GRIK1: variants seen among roughly 807,000 people sequenced by gnomAD.
GRIK1 encodes the protein glutamate ionotropic receptor kainate type subunit 1.
GRIK1 carries 69 observed loss-of-function variants against 105.7 expected under a neutral mutation model. The observed-to-expected ratio is 0.65, with a 90% CI of 0.54 to 0.80. The LOEUF (loss-of-function observed/expected upper bound fraction) is 0.80, where lower values mean the gene tolerates loss of function less well. Among genes scored for constraint, GRIK1 ranks in the 30% least tolerant of loss-of-function variants. The pLI is 0.00. For missense variants in GRIK1, 1,109 were observed against 1,167.3 expected, an observed-to-expected ratio of 0.95 and a Z score of 0.73; for synonymous variants, 438 against 431.3, an observed-to-expected ratio of 1.02 and a Z score of -0.19.
intron 14 of GRIK1, among the ~76,000 whole-genome samples, chr21:29,562,930 A>G (rs1168998137): frequency 1.3e-5 from 2 of 152,118 alleles, no homozygotes; most frequent in African/African-American, 4.8e-5. Context: ...TTACTTAAAT[A>G]TGAATTTTCC....
chr21:29,788,844 T>C (rs889615603), intron 1 of GRIK1, among the ~76,000 whole-genome samples: 1 of 152,156 alleles, frequency 6.6e-6, no homozygotes, highest in African/African-American at 2.4e-5. Context: ...CACACTCTTA[T>C]GAGAATCTAA....
chr21:29,905,201 T>C (rs2070566331), intron 1 of GRIK1, among the ~76,000 whole-genome samples: 1 of 152,108 alleles, frequency 6.6e-6, no homozygotes, highest in Non-Finnish European at 1.5e-5. Context: ...CCTTCCTTAC[T>C]TGATCATGAC....
At chr21:29,768,468 C>A (rs2065730542) in intron 1 of GRIK1, among the ~76,000 whole-genome samples, 1 of 152,160 alleles carries the variant, frequency 6.6e-6, no homozygotes, top group Non-Finnish European at 1.5e-5. Flanking sequence ...ACTATAAATA[C>A]CTGGTGCTTG....
At chr21:29,833,740 C>G (rs2067704717) in intron 1 of GRIK1, among the ~76,000 whole-genome samples, 1 of 152,086 alleles carries the variant, frequency 6.6e-6, no homozygotes. Context: ...CAAATCCAAA[C>G]CATATCACCC....
At chr21:29,891,208 A>G (rs941381060) in intron 1 of GRIK1, among the ~76,000 whole-genome samples, 4 of 152,186 alleles carry the variant, frequency 2.6e-5, no homozygotes, top group Non-Finnish European at 5.9e-5. Flanking sequence ...CTTGTGTGGA[A>G]AAGCCAAAGA....
chr21:29,891,978 A>T (rs1414571785), intron 1 of GRIK1, among the ~76,000 whole-genome samples: 1 of 152,234 alleles, frequency 6.6e-6, no homozygotes, highest in East Asian at 1.9e-4. Context: ...AGCATTAATT[A>T]GTAAATGAAT....
intron 1 of GRIK1, among the ~76,000 whole-genome samples, chr21:29,773,036 G>C (rs1219803509): frequency 6.6e-6 from 1 of 152,196 alleles, no homozygotes; most frequent in Non-Finnish European, 1.5e-5. Flanking sequence ...TGTTGAGGGA[G>C]AGGAGGCTGA....
At chr21:29,554,952 T>C (rs775487525) in intron 16 of GRIK1, 100 bp downstream of exon 16, 26 of 1,011,928 alleles carry the variant, frequency 2.6e-5, no homozygotes, top group Middle Eastern at 2.2e-4. Context: ...GGGCATCTAA[T>C]TCAATAGACT....
chr21:29,626,270 T>C (rs1307933799), intron 7 of GRIK1, among the ~76,000 whole-genome samples: 1 of 152,078 alleles, frequency 6.6e-6, no homozygotes, highest in Admixed American at 6.6e-5. Flanking sequence ...ACTCATTCTT[T>C]TATCAGGTAT....
chr21:29,872,232 C>T (rs1261988578), intron 1 of GRIK1, among the ~76,000 whole-genome samples: 1 of 141,170 alleles, frequency 7.1e-6, no homozygotes, highest in African/African-American at 2.7e-5. Context: ...CTCGCTCTGT[C>T]GCCCAGGCTG....
At chr21:29,588,371 G>A (rs2061278172) in intron 11 of GRIK1, among the ~76,000 whole-genome samples, 1 of 152,088 alleles carries the variant, frequency 6.6e-6, no homozygotes, top group Admixed American at 6.5e-5. Flanking sequence ...GTCAAGGGTG[G>A]GACCAGGTGG....
chr21:29,850,775 G>T (rs764197767), intron 1 of GRIK1, among the ~76,000 whole-genome samples: 5 of 152,048 alleles, frequency 3.3e-5, no homozygotes, highest in Non-Finnish European at 5.9e-5. Context: ...AGCTCATTTT[G>T]AAGTAAGAAT....
intron 1 of GRIK1, among the ~76,000 whole-genome samples, chr21:29,872,192 CTTT>C (rs35165931): frequency 1.4e-4 from 15 of 107,666 alleles, no homozygotes; most frequent in African/African-American, 1.6e-4. Flanking sequence ...GCTCTCACTT[CTTT>C]TTTTTTTTTT....
chr21:29,549,210 A>G (rs2090090801), intron 16 of GRIK1, among the ~76,000 whole-genome samples: 1 of 152,216 alleles, frequency 6.6e-6, no homozygotes, highest in Non-Finnish European at 1.5e-5. Context: ...ACAATCTGTT[A>G]TTATTTAACA....
intron 1 of GRIK1, among the ~76,000 whole-genome samples, chr21:29,868,082 T>C (rs2068889090): frequency 6.6e-6 from 1 of 151,926 alleles, no homozygotes; most frequent in Non-Finnish European, 1.5e-5. Flanking sequence ...AAGTAGGTGA[T>C]GACGGGAGAG....
intron 1 of GRIK1, among the ~76,000 whole-genome samples, chr21:29,733,915 TA>T (rs1347981744): frequency 1.3e-5 from 2 of 152,128 alleles, no homozygotes; most frequent in East Asian, 3.8e-4. Flanking sequence ...TAGGTAATAG[TA>T]AAATACAGTG....
intron 1 of GRIK1, among the ~76,000 whole-genome samples, chr21:29,772,168 T>A (rs1366840131): frequency 6.6e-6 from 1 of 152,222 alleles, no homozygotes; most frequent in Admixed American, 6.5e-5. Flanking sequence ...GAAATGGAAA[T>A]GTTTAAACAC....
intron 1 of GRIK1, among the ~76,000 whole-genome samples, chr21:29,699,527 C>T (rs2063772446): frequency 6.6e-6 from 1 of 152,158 alleles, no homozygotes; most frequent in Admixed American, 6.5e-5. Context: ...CTTCCAGCCT[C>T]CAGAACTGAG....
Position 29,537,244 on chromosome 21 carries a change from CTT to C in GRIK1, c.2834_2835del (p.Lys945ArgfsTer28). ...GTTTCCTTGGATCACGCCACAGTCTCTTTTCTCTGAGTTCGTCTCTGATGACA... is the reference window on the plus strand; with the variant it reads ...GTTTCCTTGGATCACGCCACAGTCTCTTCTCTGAGTTCGTCTCTGATGACA... Reference protein sequence around the residue: ...LTCHQRRTQRKETVA With the variant: ...LTCHQRRTQRXETVA On this transcript the variant is annotated frameshift_variant, in exon 18 of 18. Coordinates refer to ENST00000327783, the MANE Select transcript of GRIK1 (RefSeq NM_001330994.2). LOFTEE classifies it high-confidence loss of function. 6.2e-7 allele frequency: 1 copy of C among 1,606,668 alleles called. No individual in the cohort carries two copies. The highest frequency in any genetic ancestry group is 8.5e-7 in the Non-Finnish European group (1 of 1,177,338).
Sources: allele counts gnomAD v4.1 joint callset (sites outside exome capture counted in the v4.1 genomes callset), GRCh38; gene constraint gnomAD v4.1.1; transcripts MANE v1.5; gene names NCBI Gene and HGNC (gene_info 2026-07-23, HGNC 2026-07-21).